MAOA: variants seen among roughly 807,000 people sequenced by gnomAD.
MAOA encodes the protein amine oxidase [flavin-containing] A.
A neutral mutation model predicts 42.0 loss-of-function variants in MAOA; 6 were observed. The ratio of observed to expected loss-of-function variants is 0.14; its 90% CI spans 0.08 to 0.28. MAOA has a LOEUF of 0.28. Ranked by LOEUF, MAOA falls within the 10% of genes least tolerant of loss-of-function variation. MAOA has a pLI of 1.00. For missense variants in MAOA, 262 were observed against 422.3 expected (o/e 0.62, Z 3.33); for synonymous variants, 140 against 154.0 (o/e 0.91, Z 0.67).
intron 1 of MAOA, among the ~76,000 whole-genome samples, chrX:43,680,752 T>A (rs2033436127): frequency 9.0e-6 from 1 of 111,667 alleles, no homozygotes; most frequent in South Asian, 3.7e-4. Flanking sequence ...CTGTCTTCAC[T>A]TACTAACTAG....
chrX:43,673,244 T>A (rs2033354503), intron 1 of MAOA, among the ~76,000 whole-genome samples: 1 of 111,748 alleles, frequency 8.9e-6, no homozygotes, highest in South Asian at 3.7e-4. Context: ...TTTGTAGTAT[T>A]CTCTGATGGT....
intron 1 of MAOA, among the ~76,000 whole-genome samples, chrX:43,662,751 G>A (rs1290047990): frequency 3.6e-5 from 4 of 110,713 alleles, no homozygotes; most frequent in African/African-American, 1.3e-4. Context: ...GTAGACACCC[G>A]ATAAATAGTT....
At chrX:43,743,584 G>T (rs2033976527) in intron 12 of MAOA, 3 of 448,521 alleles carry the variant, frequency 6.7e-6, no homozygotes. Flanking sequence ...ATGATCTGAT[G>T]GCCTGATTCT....
intron 5 of MAOA, among the ~76,000 whole-genome samples, chrX:43,715,908 C>T (rs771984635): frequency 9.1e-6 from 1 of 109,641 alleles, no homozygotes; most frequent in South Asian, 4.1e-4. Flanking sequence ...CCCGAAATGA[C>T]CCAGAGGGTT....
At chrX:43,733,437 T>C (rs1350562578) in intron 9 of MAOA, among the ~76,000 whole-genome samples, 1 of 111,050 alleles carries the variant, frequency 9.0e-6, no homozygotes, top group Non-Finnish European at 1.9e-5. Context: ...GCTTTTCCCC[T>C]CTCTTCTCAT....
At chrX:43,732,820 A>G (rs2033893027) in intron 9 of MAOA, 25 bp downstream of exon 9, 1 of 1,052,901 alleles carries the variant, frequency 9.5e-7, no homozygotes, top group Non-Finnish European at 1.3e-6. Context: ...GGTGTTCTGC[A>G]TTTTCCAAAT....
intron 3 of MAOA, among the ~76,000 whole-genome samples, chrX:43,698,192 C>A (rs183814689): frequency 1.8e-5 from 2 of 112,185 alleles, no homozygotes; most frequent in African/African-American, 6.5e-5. Context: ...TTTCCCAATG[C>A]GAAACCTTAA....
intron 2 of MAOA, among the ~76,000 whole-genome samples, chrX:43,687,946 G>C (rs902163088): frequency 1.8e-5 from 2 of 112,854 alleles, no homozygotes; most frequent in Non-Finnish European, 3.7e-5. Context: ...CAGATTACTA[G>C]AGTAGGCTCC....
chrX:43,710,731 C>T (rs1056685628), intron 3 of MAOA, among the ~76,000 whole-genome samples: 3 of 112,094 alleles, frequency 2.7e-5, no homozygotes, highest in Non-Finnish European at 5.6e-5. Flanking sequence ...CATTGCTTCT[C>T]TTAGCACTTT....
At chrX:43,693,548 A>G (rs917552064) in intron 3 of MAOA, 120 bp downstream of exon 3, 5 of 779,074 alleles carry the variant, frequency 6.4e-6, no homozygotes, top group Non-Finnish European at 9.6e-6. Context: ...TTGACTTTGA[A>G]GTAGTATTTG....
intron 1 of MAOA, among the ~76,000 whole-genome samples, chrX:43,668,154 CTA>C (rs755515270): frequency 8.9e-6 from 1 of 112,200 alleles, no homozygotes; most frequent in Non-Finnish European, 1.9e-5. Context: ...CATGTCAATA[CTA>C]TGTTTTAACT....
At chrX:43,723,392 A>C (rs2033807013) in intron 5 of MAOA, among the ~76,000 whole-genome samples, 1 of 111,508 alleles carries the variant, frequency 9.0e-6, no homozygotes, top group Non-Finnish European at 1.9e-5. Context: ...TTCTCCTTAA[A>C]GAGGTCCTTC....
At chrX:43,660,446 C>G (rs2033223372) in intron 1 of MAOA, among the ~76,000 whole-genome samples, 1 of 111,196 alleles carries the variant, frequency 9.0e-6, no homozygotes, top group African/African-American at 3.3e-5. Context: ...CCTCCCTATC[C>G]CGCCCCCCAT....
intron 5 of MAOA, among the ~76,000 whole-genome samples, chrX:43,714,589 C>T (rs2033725040): frequency 9.3e-6 from 1 of 107,650 alleles, no homozygotes; most frequent in Non-Finnish European, 1.9e-5. Flanking sequence ...CAGGATATGT[C>T]TTCCAGAAAT....
chrX:43,700,428 G>A (rs1438883460), intron 3 of MAOA, among the ~76,000 whole-genome samples: 1 of 112,135 alleles, frequency 8.9e-6, no homozygotes, highest in Non-Finnish European at 1.9e-5. Context: ...ATATGGGGGT[G>A]GTCGTTCATG....
At chrX:43,659,534 C>G (rs1000373411) in intron 1 of MAOA, among the ~76,000 whole-genome samples, 2 of 111,315 alleles carry the variant, frequency 1.8e-5, no homozygotes, top group African/African-American at 6.5e-5. Flanking sequence ...CTGTTCATCA[C>G]TTTGGGGCTC....
At chrX:43,671,880 G>A (rs1239234121) in intron 1 of MAOA, among the ~76,000 whole-genome samples, 2 of 105,295 alleles carry the variant, frequency 1.9e-5, no homozygotes, top group African/African-American at 6.9e-5. Context: ...GTAGTGTGAT[G>A]CCTCCAGCTT....
intron 1 of MAOA, among the ~76,000 whole-genome samples, chrX:43,665,062 G>T (rs1382837585): frequency 9.0e-6 from 1 of 111,731 alleles, no homozygotes; most frequent in African/African-American, 3.2e-5. Context: ...TAAAGAGAAA[G>T]AACTAGGCAG....
intron 3 of MAOA, among the ~76,000 whole-genome samples, chrX:43,705,818 C>CA (rs1188251732): frequency 9.1e-6 from 1 of 110,312 alleles, no homozygotes; most frequent in East Asian, 2.8e-4. Flanking sequence ...GATACTTTGC[C>CA]AAAAAAAAGA....
Sources: gnomAD v4.1 joint callset for allele counts (sites outside exome capture counted in the v4.1 genomes callset) on GRCh38, gnomAD v4.1.1 for gene constraint, MANE v1.5 for transcripts, NCBI Gene and HGNC (gene_info 2026-07-23, HGNC 2026-07-21) for gene names.